The following ODF2L variants were observed in gnomAD, a reference collection of about 807,000 sequenced individuals.
ODF2L encodes protein BCAP.
In ODF2L, 76 loss-of-function variants were observed where a neutral mutation model predicts 86.3. The ratio of observed to expected loss-of-function variants is 0.88; its 90% CI spans 0.73 to 1.07. The LOEUF (loss-of-function observed/expected upper bound fraction) is 1.07, where lower values mean the gene tolerates loss of function less well. Ranked by LOEUF, ODF2L falls within the 50% of genes least tolerant of loss-of-function variation. The pLI, the probability that ODF2L is intolerant of heterozygous loss-of-function variation, is 0.00. For missense variants in ODF2L, 748 were observed against 717.4 expected (o/e 1.04, Z -0.49); for synonymous variants, 241 against 231.3 (o/e 1.04, Z -0.38).
intron 1 of ODF2L, among the ~76,000 whole-genome samples, chr1:86,393,723 T>C (rs1189189141): frequency 2.0e-5 from 3 of 152,234 alleles, no homozygotes; most frequent in Non-Finnish European, 4.4e-5. Flanking sequence ...CAGAATCATA[T>C]AGTTTAGAAT....
At chr1:86,388,728 C>T (rs962292874) in intron 1 of ODF2L, among the ~76,000 whole-genome samples, 3 of 151,990 alleles carry the variant, frequency 2.0e-5, no homozygotes, top group Non-Finnish European at 4.4e-5. Flanking sequence ...AGTTTGGTAT[C>T]GGTATTTTAT....
At chr1:86,376,139 A>C (rs951813694) in intron 8 of ODF2L, 94 bp downstream of exon 8, 1 of 634,196 alleles carries the variant, frequency 1.6e-6, no homozygotes. Context: ...CATTAAGAAA[A>C]GAATAAAATT....
At chr1:86,358,763 A>T in intron 13 of ODF2L, 24 bp downstream of exon 12, 1 of 938,998 alleles carries the variant, frequency 1.1e-6, no homozygotes, top group Non-Finnish European at 1.6e-6. Flanking sequence ...ATAAAATATT[A>T]TTTATTTGAA....
chr1:86,380,009 A>G (rs780884777), intron 7 of ODF2L, among the ~76,000 whole-genome samples: 5 of 152,214 alleles, frequency 3.3e-5, no homozygotes, highest in Non-Finnish European at 7.4e-5. Context: ...TACTTAAAGT[A>G]TTTGAGTATT....
chr1:86,385,735 G>T, intron 2 of ODF2L, 145 bp from the exon 3 acceptor site: 1 of 524,764 alleles, frequency 1.9e-6, no homozygotes, highest in Non-Finnish European at 3.4e-6. Context: ...GACTTTGAGT[G>T]TAAGCAAATT....
intron 13 of ODF2L, chr1:86,358,104 TC>T: frequency 1.0e-6 from 1 of 985,452 alleles, no homozygotes; most frequent in East Asian, 1.1e-4. Flanking sequence ...GACTTCTCAA[TC>T]CTAAGATAGG....
intron 7 of ODF2L, among the ~76,000 whole-genome samples, chr1:86,379,848 T>C (rs772754502): frequency 6.6e-6 from 1 of 152,178 alleles, no homozygotes; most frequent in Non-Finnish European, 1.5e-5. Context: ...GTTTCTATCA[T>C]TGAATGTGAT....
At position 86,385,569 on chromosome 1, in the gene ODF2L, AT is replaced by A. The variant is rs1432666285; in HGVS notation, c.134del (p.Asn45MetfsTer16). On this transcript the variant is annotated frameshift_variant, in exon 3 of 18. Coordinates refer to ENST00000317336, the Ensembl canonical transcript of ODF2L. LOFTEE classifies it high-confidence loss of function. ...GTGTTGCTTCCAATTCAGTCTTTTC[AT>A]TTAGAATGTCCTGCTTCAGGCTAAT... The A allele has an allele frequency of 1.2e-6, 2 of 1,611,924 alleles. No homozygotes were observed. The highest frequency in any genetic ancestry group is 1.7e-6 in the Non-Finnish European group (2 of 1,178,546).
chr1:86,373,492 CTA>C (rs571439190), intron 8 of ODF2L, among the ~76,000 whole-genome samples: 9 of 148,148 alleles, frequency 6.1e-5, no homozygotes, highest in African/African-American at 2.2e-4. Context: ...TATGTATATA[CTA>C]TATATATATG....
intron 9 of ODF2L, 119 bp downstream of exon 9, chr1:86,372,312 T>C (rs1659848480): frequency 2.4e-6 from 1 of 420,562 alleles, no homozygotes; most frequent in Admixed American, 4.4e-5. Context: ...TATCAAATCA[T>C]ATAGGTAGCA....
At chr1:86,384,407 T>TA (rs1660790030) in intron 4 of ODF2L, among the ~76,000 whole-genome samples, 1 of 134,618 alleles carries the variant, frequency 7.4e-6, no homozygotes, top group South Asian at 2.4e-4. Context: ...ACAAAGATCT[T>TA]AAACTCAAAA....
At chr1:86,354,596 C>A in exon 16 of ODF2L, 2 of 1,609,564 alleles carry the variant, frequency 1.2e-6, no homozygotes, top group Non-Finnish European at 1.7e-6. Flanking sequence ...CTGCAGATTT[C>A]TCTTTAAACT....
At chr1:86,347,439 TATG>T (rs1350418584), downstream of ODF2L, 1 of 152,194 alleles carries the variant, frequency 6.6e-6, no homozygotes, top group Admixed American at 6.5e-5. Flanking sequence ...ATGTTTTTAG[TATG>T]ATGAGTACTA....
intron 13 of ODF2L, chr1:86,358,205 C>T (rs1178184217): frequency 8.5e-6 from 3 of 351,540 alleles, no homozygotes; most frequent in African/African-American, 6.6e-5. Context: ...CAGCATCCTA[C>T]AACTTTCACT....
At chr1:86,382,012 C>A in intron 7 of ODF2L, 1 of 379,124 alleles carries the variant, frequency 2.6e-6, no homozygotes, top group Non-Finnish European at 4.2e-6. Flanking sequence ...AATTCAATTC[C>A]ATAAATCCTT....
At chr1:86,353,086 GTATGTTA>G (rs1658265981) in intron 16 of ODF2L, 102 bp from the exon 16 acceptor site, 4 of 721,234 alleles carry the variant, frequency 5.5e-6, no homozygotes, top group African/African-American at 1.8e-5. Context: ...GATATTACTT[GTATGTTA>G]TATCCAAGTT....
At chr1:86,381,368 T>C (rs1660574457) in intron 7 of ODF2L, among the ~76,000 whole-genome samples, 1 of 152,232 alleles carries the variant, frequency 6.6e-6, no homozygotes, top group East Asian at 1.9e-4. Flanking sequence ...GTCCAGTTCA[T>C]CTGCAGTGCC....
In ODF2L at chr1:86,372,532, C is replaced by G. The variant is rs528558271; in HGVS notation, c.819G>C (p.Lys273Asn). ...TGGAAGCTGAAATTGTTTCAGACAA[C>G]TTGGCTTCCTAAAAAATACATAAAA... Residue 273 changes from lysine to asparagine, a missense_variant, in exon 9 of 18, where the codon AAG becomes AAC. Coordinates refer to ENST00000317336, the Ensembl canonical transcript of ODF2L. The G allele has an allele frequency of 1.7e-5, 26 of 1,496,374 alleles. No individual in the cohort carries two copies. The East Asian group carries it at 6.5e-4, about 37-fold the overall frequency. 92.7% of individuals were successfully genotyped at this position (1,496,374 alleles called of 1,614,324 possible). A position where few individuals can be genotyped will look rare whatever the true frequency, so the allele number is the denominator to read the frequency against.
intron 8 of ODF2L, among the ~76,000 whole-genome samples, chr1:86,375,464 TC>T (rs1181340216): frequency 6.6e-6 from 1 of 152,184 alleles, no homozygotes; most frequent in African/African-American, 2.4e-5. Context: ...AAGTCTGTTT[TC>T]ATTTCTAAAA....
Sources: allele counts gnomAD v4.1 joint callset (sites outside exome capture counted in the v4.1 genomes callset), GRCh38; gene constraint gnomAD v4.1.1; transcripts MANE v1.5; gene names NCBI Gene and HGNC (gene_info 2026-07-23, HGNC 2026-07-21).